Variants in KDM1B observed in about 807,000 individuals in gnomAD.
The protein encoded by KDM1B is lysine demethylase 1B, also known as lysine-specific histone demethylase 2.
KDM1B carries 63 observed loss-of-function variants against 107.4 expected under a neutral mutation model. That is an observed-to-expected ratio of 0.59 (90% confidence interval 0.48 to 0.72). The LOEUF is 0.72. Ranked by LOEUF, KDM1B falls within the 30% of genes least tolerant of loss-of-function variation. The probability of loss-of-function intolerance (pLI) is 0.00; values close to 1 mark genes in which losing one functional copy is unlikely to be tolerated. For missense variants in KDM1B, 749 were observed against 1,020.8 expected, an observed-to-expected ratio of 0.73 and a Z score of 3.63; for synonymous variants, 363 against 363.9, an observed-to-expected ratio of 1.00 and a Z score of 0.03.
intron 17 of KDM1B, among the ~76,000 whole-genome samples, chr6:18,208,538 G>A (rs1011790834): frequency 1.5e-5 from 2 of 134,166 alleles, no homozygotes; most frequent in East Asian, 4.8e-4. Context: ...GGGAAGTATT[G>A]TATACGATAC....
In KDM1B at chr6:18,162,080, A is replaced by G. The variant is rs1810719; in HGVS notation, c.215+626A>G. ...ATGCGCCTGTAATCCCAGCACTTTG[A>G]GAGACCAAGATGGGCGGATCAGTTG... On this transcript the variant is annotated intron_variant, in intron 4 of 21. Coordinates refer to ENST00000650836, the MANE Select transcript of KDM1B (RefSeq NM_001364614.2). The surrounding 1 kb of genome is among the most constrained non-coding windows in gnomAD (Gnocchi z 4.1). 0.91 allele frequency among the ~76,000 whole-genome samples: 138,187 copies of G among 152,232 alleles called. 62,807 individuals carry two copies. Among genetic ancestry groups the G allele is most frequent in the African/African-American group, 0.93 (38,705 of 41,540 alleles).
chr6:18,206,956 GCCC>G (rs1481848944), intron 15 of KDM1B, among the ~76,000 whole-genome samples: 1 of 152,108 alleles, frequency 6.6e-6, no homozygotes, highest in Admixed American at 6.5e-5. Flanking sequence ...GATTTCAGAG[GCCC>G]CTTTGGGACC....
chr6:18,210,368 T>TTG (rs1788775333), intron 17 of KDM1B, among the ~76,000 whole-genome samples: 3 of 95,340 alleles, frequency 3.1e-5, no homozygotes, highest in Admixed American at 3.0e-4. Flanking sequence ...TTTTTTTTTT[T>TTG]TTTTGTTTTA....
intron 9 of KDM1B, among the ~76,000 whole-genome samples, chr6:18,190,768 C>T (rs1016719616): frequency 5.9e-5 from 9 of 151,848 alleles, no homozygotes; most frequent in East Asian, 1.9e-4. Flanking sequence ...GATGTGGTGG[C>T]GAGCACCTGT....
In KDM1B at chr6:18,212,489, T is replaced by C. The variant is rs888339061; in HGVS notation, c.1868T>C (p.Val623Ala). ...TDGTGYSAQK[V>A]LVTVPLALLQ... Reference sequence around the variant, plus strand: ...TTAACTGTTAATTATTTTCCACAGGTATTAGTCACTGTACCACTGGCTTTA... The same window carrying C: ...TTAACTGTTAATTATTTTCCACAGGCATTAGTCACTGTACCACTGGCTTTA... The change falls in exon 18 of 22, where the codon GTA becomes GCA. Residue 623 changes from valine to alanine, a missense_variant and splice_region_variant. Physicochemically the swap from Val to Ala is moderately conservative, Grantham distance 64 (BLOSUM62 0). Coordinates refer to ENST00000650836, the MANE Select transcript of KDM1B (RefSeq NM_001364614.2). This position sits in a 1 kb window ranked among gnomAD's most constrained non-coding sequence, Gnocchi z 5.2. The C allele has an allele frequency of 1.7e-5, 27 of 1,575,188 alleles. No individual in the cohort carries two copies. Among genetic ancestry groups the C allele is most frequent in the Admixed American group, 6.7e-5 (4 of 59,960 alleles).
chr6:18,183,632 A>G (rs917369134), intron 7 of KDM1B, among the ~76,000 whole-genome samples: 3 of 152,102 alleles, frequency 2.0e-5, no homozygotes, highest in African/African-American at 4.8e-5. Flanking sequence ...CCTAAGTAAC[A>G]TAAGTTTTGC....
chr6:18,215,530 T>G lies in KDM1B; in HGVS notation c.2232+401T>G, dbSNP rs1789153554. 2.6e-5 allele frequency among the ~76,000 whole-genome samples: 4 copies of G among 152,214 alleles called. No individual in the cohort carries two copies. In the South Asian group the frequency reaches 8.3e-4, roughly 32 times the overall value. On this transcript the variant is annotated intron_variant, in intron 20 of 21. Coordinates refer to ENST00000650836, the MANE Select transcript of KDM1B (RefSeq NM_001364614.2). ...CTTCTTATGAGGACACAAATCAGAT[T>G]AGATTAAGGCTCACCCCGGCGACCT...
At chr6:18,196,977 A>T in intron 10 of KDM1B, 80 bp from the exon 11 acceptor site, 1 of 1,293,878 alleles carries the variant, frequency 7.7e-7, no homozygotes, top group Non-Finnish European at 1.1e-6. Context: ...CTTGTCTTTT[A>T]AATGGATTGT....
chr6:18,183,513 G>A (rs1029256671), intron 7 of KDM1B, among the ~76,000 whole-genome samples: 1 of 151,826 alleles, frequency 6.6e-6, no homozygotes, highest in Non-Finnish European at 1.5e-5. Context: ...ACCCACCTCG[G>A]CCTCCCAAAA....
intron 9 of KDM1B, among the ~76,000 whole-genome samples, chr6:18,189,013 A>C (rs985670815): frequency 4.0e-5 from 6 of 151,880 alleles, no homozygotes; most frequent in Non-Finnish European, 8.8e-5. Flanking sequence ...CGAACTTCTG[A>C]CCTCAAGTGA....
At chr6:18,170,582 GC>G (rs1413102464) in intron 6 of KDM1B, among the ~76,000 whole-genome samples, 1 of 151,696 alleles carries the variant, frequency 6.6e-6, no homozygotes, top group Non-Finnish European at 1.5e-5. Context: ...CCAGGCTCAA[GC>G]CATCCTCTCA....
chr6:18,180,407 A>G (rs1786377939), intron 7 of KDM1B, among the ~76,000 whole-genome samples: 1 of 152,182 alleles, frequency 6.6e-6, no homozygotes, highest in African/African-American at 2.4e-5. Flanking sequence ...CCAAGCAACA[A>G]TAAAAAATAG....
intron 10 of KDM1B, among the ~76,000 whole-genome samples, chr6:18,194,040 AT>A (rs1214100106): frequency 1.3e-5 from 2 of 151,826 alleles, no homozygotes; most frequent in Admixed American, 1.3e-4. Flanking sequence ...AACCCGGCTA[AT>A]TTTTTTGTGT....
intron 21 of KDM1B, among the ~76,000 whole-genome samples, chr6:18,218,878 A>C (rs1003703511): frequency 6.6e-6 from 1 of 151,770 alleles, no homozygotes; most frequent in Non-Finnish European, 1.5e-5. Flanking sequence ...ATTTAAATTT[A>C]ATTTAATTTA....
intron 10 of KDM1B, among the ~76,000 whole-genome samples, chr6:18,194,091 G>T (rs1582158322): frequency 6.6e-6 from 1 of 151,996 alleles, no homozygotes; most frequent in Non-Finnish European, 1.5e-5. Context: ...GGCCAGGCTG[G>T]TCTCTTAACT....
intron 2 of KDM1B, among the ~76,000 whole-genome samples, chr6:18,157,730 A>T (rs752538215): frequency 1.5e-4 from 22 of 150,016 alleles, no homozygotes; most frequent in Non-Finnish European, 3.1e-4. Flanking sequence ...CTATGAAGAG[A>T]TTTGTTAGAG....
chr6:18,166,349 T>G lies in KDM1B; in HGVS notation c.388T>G (p.Phe130Val). The G allele has an allele frequency of 6.2e-7, 1 of 1,612,464 alleles. No individual in the cohort carries two copies. The highest frequency in any genetic ancestry group is 8.5e-7 in the Non-Finnish European group (1 of 1,178,500). The change falls in exon 6 of 22, where the codon TTC becomes GTC. Residue 130 changes from phenylalanine to valine, a missense_variant. By Grantham distance (50) the Phe-to-Val change is conservative (BLOSUM62 -1). Transcript: ENST00000650836. ...NGKTEPSPKA[F>V]MADQQLPYWV... The stretch of plus-strand genomic sequence containing the variant: ...CAAAACCGAACCTAGTCCCAAAGCT[T>G]TCATGGCAGACCAGCAACTCCCCTA...
rs1446251459 is a variant in KDM1B at position 18,193,196 on chromosome 6, A to T, written c.969+1815A>T. Among the ~76,000 whole-genome samples, 31 of 144,242 alleles carry T rather than the reference A, an allele frequency of 2.1e-4. 1 individual carries two copies. The highest frequency in any genetic ancestry group is 3.7e-4 in the Non-Finnish European group (24 of 65,716). 94.6% of individuals were successfully genotyped at this position (144,242 alleles called of 152,430 possible). ...GGCAACAAGAACGAAACTCTGTCTA[A>T]AAAAAAAAAAAAAAAAAAAGAATTT... On this transcript the variant is annotated intron_variant, in intron 10 of 21. Transcript: ENST00000650836.
At chr6:18,218,245 CAAG>C (rs1789399395) in intron 21 of KDM1B, among the ~76,000 whole-genome samples, 1 of 152,072 alleles carries the variant, frequency 6.6e-6, no homozygotes, top group Admixed American at 6.6e-5. Context: ...CTCAGCTTCC[CAAG>C]TAGCTGGGAC....
Sources: allele counts gnomAD v4.1 joint callset (sites outside exome capture counted in the v4.1 genomes callset), GRCh38; gene constraint gnomAD v4.1.1; non-coding constraint Gnocchi (gnomAD v3.1); transcripts MANE v1.5; gene names NCBI Gene and HGNC (gene_info 2026-07-23, HGNC 2026-07-21).